CAPZB: variants seen among roughly 807,000 people sequenced by gnomAD.
CAPZB encodes capping actin protein of muscle Z-line subunit beta.
CAPZB carries 2 observed loss-of-function variants against 38.1 expected under a neutral mutation model. That is an observed-to-expected ratio of 0.05 (90% confidence interval 0.02 to 0.17). The LOEUF is 0.17. Among genes scored for constraint, CAPZB ranks in the 10% least tolerant of loss-of-function variants. CAPZB has a pLI of 1.00. For synonymous variants in CAPZB, 107 were observed against 127.4 expected (o/e 0.84, Z 1.08); for missense variants, 161 against 334.2 (o/e 0.48, Z 4.04).
At chr1:19,470,172 C>T (rs12070072) in intron 1 of CAPZB, among the ~76,000 whole-genome samples, 69,525 of 151,916 alleles carry the variant, frequency 0.46, 16,175 homozygotes, top group Admixed American at 0.53. Context: ...TGTGCTGTCA[C>T]CACGCCACTG....
chr1:19,340,914 C>CCGGA (rs2093924781), intron 8 of CAPZB, among the ~76,000 whole-genome samples: 1 of 152,076 alleles, frequency 6.6e-6, no homozygotes, highest in Admixed American at 6.6e-5. Context: ...GTGCACTCAG[C>CCGGA]CGGACTCTCA....
intron 1 of CAPZB, among the ~76,000 whole-genome samples, chr1:19,447,385 AATTTTT>A (rs1275082702): frequency 2.9e-5 from 1 of 33,982 alleles, no homozygotes; most frequent in African/African-American, 6.0e-5. Context: ...ACATCCAGCT[AATTTTT>A]TTTTTTTTTT....
At chr1:19,398,086 C>A (rs75911619) in intron 2 of CAPZB, among the ~76,000 whole-genome samples, 2 of 152,140 alleles carry the variant, frequency 1.3e-5, no homozygotes, top group African/African-American at 4.8e-5. Flanking sequence ...CACGGCCAGG[C>A]AACCATGGGC....
At chr1:19,373,151 G>C (rs2094127551) in intron 4 of CAPZB, among the ~76,000 whole-genome samples, 1 of 152,170 alleles carries the variant, frequency 6.6e-6, no homozygotes, top group African/African-American at 2.4e-5. Flanking sequence ...ACCTGGACGT[G>C]AGAATGCCGC....
At chr1:19,412,581 G>A (rs774357129) in intron 2 of CAPZB, among the ~76,000 whole-genome samples, 1 of 152,126 alleles carries the variant, frequency 6.6e-6, no homozygotes, top group South Asian at 2.1e-4. Flanking sequence ...CATTTCCAGA[G>A]AGAAAACAAT....
chr1:19,402,841 A>G (rs1182975140), intron 2 of CAPZB, among the ~76,000 whole-genome samples: 2 of 152,124 alleles, frequency 1.3e-5, no homozygotes, highest in African/African-American at 2.4e-5. Flanking sequence ...TGAGGTCAGG[A>G]GTTCGAGACC....
chr1:19,405,887 G>A (rs1160562417), intron 2 of CAPZB, among the ~76,000 whole-genome samples: 1 of 152,212 alleles, frequency 6.6e-6, no homozygotes, highest in South Asian at 2.1e-4. Flanking sequence ...ATTAGGACCC[G>A]AGAGTCTGGA....
At position 19,356,788 on chromosome 1, in the gene CAPZB, A is replaced by T; in HGVS notation, c.472-37T>A. 2 of 1,444,576 alleles carry T rather than the reference A, an allele frequency of 1.4e-6. No homozygotes were observed. Among genetic ancestry groups the T allele is most frequent in the Non-Finnish European group, 1.9e-6 (2 of 1,028,646 alleles). The allele number at this position is 1,444,576 out of a possible 1,614,324, so 89.5% of individuals were successfully genotyped here. A position where few individuals can be genotyped will look rare whatever the true frequency, so the allele number is the denominator to read the frequency against. ...AGACAGAGATCTGTTGAGCTGAGGG[A>T]GAGCCTGAAGTGGCCCCTGGAATTC... On this transcript the variant is annotated intron_variant, in intron 5 of 8. Coordinates refer to ENST00000264202, the MANE Select transcript of CAPZB (RefSeq NM_004930.5). The surrounding 1 kb of genome is among the most constrained non-coding windows in gnomAD (Gnocchi z 4.3).
chr1:19,383,659 T>C (rs1004693306), intron 3 of CAPZB, among the ~76,000 whole-genome samples: 33 of 152,080 alleles, frequency 2.2e-4, no homozygotes, highest in Non-Finnish European at 4.4e-5. Flanking sequence ...TGTATCACCA[T>C]CTATATGCTG....
At chr1:19,425,077 T>G (rs1355639162) in intron 1 of CAPZB, among the ~76,000 whole-genome samples, 1 of 152,200 alleles carries the variant, frequency 6.6e-6, no homozygotes, top group Non-Finnish European at 1.5e-5. Flanking sequence ...TGTCAATTAT[T>G]TTCCTAGGAC....
intron 2 of CAPZB, among the ~76,000 whole-genome samples, chr1:19,402,372 G>A (rs954349442): frequency 6.6e-6 from 1 of 152,178 alleles, no homozygotes; most frequent in African/African-American, 2.4e-5. Context: ...GGCTTACAAG[G>A]GCACATTTCT....
intron 3 of CAPZB, among the ~76,000 whole-genome samples, chr1:19,382,920 G>A (rs2094182941): frequency 6.6e-6 from 1 of 152,076 alleles, no homozygotes; most frequent in African/African-American, 2.4e-5. Flanking sequence ...CTGCTCCCTG[G>A]TCTGTCAGAC....
At chr1:19,453,938 C>T (rs2094524915) in intron 1 of CAPZB, among the ~76,000 whole-genome samples, 1 of 152,134 alleles carries the variant, frequency 6.6e-6, no homozygotes, top group Admixed American at 6.5e-5. Context: ...AACAAAGAAG[C>T]TAAGGACTGG....
intron 2 of CAPZB, among the ~76,000 whole-genome samples, chr1:19,411,677 A>G (rs2094357472): frequency 6.6e-6 from 1 of 152,212 alleles, no homozygotes; most frequent in African/African-American, 2.4e-5. Flanking sequence ...TCTTAATTGG[A>G]TAAAATGAGG....
chr1:19,342,328 G>A (rs374681626), intron 8 of CAPZB, among the ~76,000 whole-genome samples: 3 of 152,218 alleles, frequency 2.0e-5, no homozygotes, highest in Non-Finnish European at 4.4e-5. Flanking sequence ...GCTGAGCAGC[G>A]GGGAGGCTTA....
chr1:19,476,221 T>C (rs76050791), intron 1 of CAPZB, among the ~76,000 whole-genome samples: 2,956 of 35,672 alleles, frequency 0.083, 93 homozygotes, highest in African/African-American at 0.15. Context: ...GATAGATAGA[T>C]AGATAGGCAG....
intron 1 of CAPZB, among the ~76,000 whole-genome samples, chr1:19,458,870 C>T (rs1425118761): frequency 6.6e-6 from 1 of 152,246 alleles, no homozygotes; most frequent in Non-Finnish European, 1.5e-5. Flanking sequence ...AAGTCAGTTT[C>T]ACCACATTTA....
At chr1:19,381,421 C>A (rs552470390) in intron 3 of CAPZB, among the ~76,000 whole-genome samples, 1 of 152,054 alleles carries the variant, frequency 6.6e-6, no homozygotes. Flanking sequence ...CAGTACCCAG[C>A]CCTGAGTTAG....
intron 1 of CAPZB, among the ~76,000 whole-genome samples, chr1:19,475,253 C>T (rs748608843): frequency 2.8e-4 from 43 of 152,186 alleles, no homozygotes; most frequent in Non-Finnish European, 6.0e-4. Flanking sequence ...GAGATGGAGG[C>T]ACAGAGTGAA....
Sources: allele counts gnomAD v4.1 joint callset (sites outside exome capture counted in the v4.1 genomes callset), GRCh38; gene constraint gnomAD v4.1.1; non-coding constraint Gnocchi (gnomAD v3.1); transcripts MANE v1.5; gene names NCBI Gene and HGNC (gene_info 2026-07-23, HGNC 2026-07-21).